Variants in NUBP1 observed in about 807,000 individuals in gnomAD.
The protein encoded by NUBP1 is NUBP iron-sulfur cluster assembly factor 1, cytosolic, also known as cytosolic Fe-S cluster assembly factor NUBP1.
NUBP1 carries 46 observed loss-of-function variants against 41.8 expected under a neutral mutation model. The ratio of observed to expected loss-of-function variants is 1.10; its 90% CI spans 0.87 to 1.41. The LOEUF (loss-of-function observed/expected upper bound fraction) is 1.41, where lower values mean the gene tolerates loss of function less well. NUBP1 is among the 40% of genes most tolerant of loss of function. NUBP1 has a pLI of 0.00. For synonymous variants in NUBP1, 189 were observed against 154.6 expected, an observed-to-expected ratio of 1.22 and a Z score of -1.65; for missense variants, 494 against 414.0, an observed-to-expected ratio of 1.19 and a Z score of -1.68.
Position 10,756,674 on chromosome 16 carries a change from C to T in NUBP1, c.361-16C>T. 1 of 1,539,912 alleles carries T rather than the reference C, an allele frequency of 6.5e-7. No individual in the cohort carries two copies. The highest frequency in any genetic ancestry group is 1.3e-5 in the South Asian group (1 of 78,586). On this transcript the variant is annotated splice_polypyrimidine_tract_variant and intron_variant, in intron 5 of 10. Transcript: ENST00000283027. The stretch of plus-strand genomic sequence containing the variant: ...TGAGTAAAGCGTGTCTTGCCCTCAC[C>T]CTGTTCCCTCTGCAGTACGTGGAAG...
In NUBP1 at chr16:10,768,001, A is replaced by G. The variant is rs750052496; in HGVS notation, c.873A>G (p.Pro291=). Residue 291 remains proline, a synonymous_variant, in exon 10 of 11, where the codon CCA becomes CCG. Transcript: ENST00000283027. The surrounding 1 kb of genome is among the most constrained non-coding windows in gnomAD (Gnocchi z 4.3). ...QSFFIDAPDS[P]ATLAYRSIIQ... ...TTTTCATTGACGCCCCAGATTCCCC[A>G]GCCACGTTAGCCTACAGAAGTATAA... is the stretch of plus-strand genomic sequence containing the variant. 3 of 1,614,020 alleles carry G rather than the reference A, an allele frequency of 1.9e-6. No individual in the cohort carries two copies. Among genetic ancestry groups the G allele is most frequent in the African/African-American group, 1.3e-5 (1 of 74,916 alleles).
rs778827686 is a variant in NUBP1, at chr16:10,761,736, C to G, written c.718-21C>G. ...TTCTGCAAAAAAATTATGTTTCCTC[C>G]CCTTTGAATTTGCCTTGCAGAAAGA... On this transcript the variant is annotated intron_variant, in intron 8 of 10. Transcript: ENST00000283027. The G allele has an allele frequency of 1.9e-6, 3 of 1,587,496 alleles. No homozygotes were observed. In the South Asian group the frequency reaches 3.3e-5, roughly 18 times the overall value.
chr16:10,761,210 T>C, intron 7 of NUBP1, 154 bp from the exon 8 acceptor site: 1 of 593,032 alleles, frequency 1.7e-6, no homozygotes, highest in Non-Finnish European at 3.0e-6. Flanking sequence ...GAGCTGAGAT[T>C]TGGATGGGGA....
Position 10,768,172 on chromosome 16 carries a change from G to A in NUBP1, c.904+140G>A, listed in dbSNP as rs2031181465. On this transcript the variant is annotated intron_variant, in intron 10 of 10. Transcript: ENST00000283027. The surrounding 1 kb of genome is among the most constrained non-coding windows in gnomAD (Gnocchi z 4.3). ...GCCCCCATAGCCGAGGAAGCCAGGA[G>A]TCCATGAGAAATCTCTCAATGTGTG... 1.5e-6 allele frequency: 1 copy of A among 655,294 alleles called. No homozygotes were observed. Among genetic ancestry groups the A allele is most frequent in the Admixed American group, 2.8e-5 (1 of 36,132 alleles). 40.6% of individuals were successfully genotyped at this position (655,294 alleles called of 1,614,324 possible).
Position 10,767,345 on chromosome 16 carries a change from G to A in NUBP1, c.821-604G>A, listed in dbSNP as rs2031040198. 2 of 399,476 alleles carry A rather than the reference G, an allele frequency of 5.0e-6. No individual in the cohort carries two copies. The highest frequency in any genetic ancestry group is 7.1e-5 in the East Asian group (2 of 28,100). The allele number at this position is 399,476 out of a possible 1,614,324, so 24.7% of individuals were successfully genotyped here. A position where few individuals can be genotyped will look rare whatever the true frequency, so the allele number is the denominator to read the frequency against. ...GACTGGAACAATGGCCACATGGCGG[G>A]GAAAGACTAGCAGACTGATAGACAC... On this transcript the variant is annotated intron_variant, in intron 9 of 10. Coordinates refer to ENST00000283027, the MANE Select transcript of NUBP1 (RefSeq NM_002484.4). This position sits in a 1 kb window ranked among gnomAD's most constrained non-coding sequence, Gnocchi z 4.6.
Position 10,756,788 on chromosome 16 carries a change from A to C in NUBP1, c.451+8A>C. ...GGGGACCCAAGAAAAACGGTTTGCC[A>C]CTCTGCCTTTTTTTGTCTCTCACAT... On this transcript the variant is annotated splice_region_variant and intron_variant, in intron 6 of 10. Transcript: ENST00000283027. The C allele has an allele frequency of 6.3e-7, 1 of 1,589,670 alleles. No homozygotes were observed. Among genetic ancestry groups the C allele is most frequent in the Non-Finnish European group, 8.5e-7 (1 of 1,170,506 alleles).
Position 10,768,045 on chromosome 16 carries a change from A to G in NUBP1, c.904+13A>G, listed in dbSNP as rs777750947. The G allele has an allele frequency of 1.2e-6, 2 of 1,612,372 alleles. No individual in the cohort carries two copies. Among genetic ancestry groups the G allele is most frequent in the East Asian group, 2.2e-5 (1 of 44,884 alleles). On this transcript the variant is annotated intron_variant, in intron 10 of 10. Coordinates refer to ENST00000283027, the MANE Select transcript of NUBP1 (RefSeq NM_002484.4). The surrounding 1 kb of genome is among the most constrained non-coding windows in gnomAD (Gnocchi z 4.3). ...AGTATAATTCAGAGTAAGTATTTCC[A>G]TGAGTACTAAATGCAGATGCCTGTG...
At chr16:10,762,216 G>GA (rs1372693956) in intron 9 of NUBP1, 1 of 186,648 alleles carries the variant, frequency 5.4e-6, no homozygotes, top group Non-Finnish European at 1.1e-5. Context: ...GGCCTGAGGT[G>GA]AAAATCCCTT....
At chr16:10,748,008 T>C (rs1289803663) in intron 3 of NUBP1, among the ~76,000 whole-genome samples, 1 of 152,190 alleles carries the variant, frequency 6.6e-6, no homozygotes, top group Non-Finnish European at 1.5e-5. Flanking sequence ...AGTGCATTGC[T>C]ATGATCAGGA....
At chr16:10,761,941 C>G (rs1334181042) in intron 9 of NUBP1, 82 bp downstream of exon 9, 1 of 1,060,650 alleles carries the variant, frequency 9.4e-7, no homozygotes, top group South Asian at 1.4e-5. Context: ...GGGGCGGCTA[C>G]AGAGAGGGGC....
At chr16:10,751,922 C>T (rs1333411950) in intron 3 of NUBP1, among the ~76,000 whole-genome samples, 1 of 152,316 alleles carries the variant, frequency 6.6e-6, no homozygotes, top group East Asian at 1.9e-4. Flanking sequence ...TGTCCCAGCT[C>T]TGTTCCCTGC....
At position 10,759,107 on chromosome 16, in the gene NUBP1, G is replaced by A. The variant is rs975796578; in HGVS notation, c.606+1080G>A. ...GATCTCACTGGCCAGAATCAGTCAGGACGACCCATAGTCTCACCTCATCCA... is the reference window on the plus strand; with the variant it reads ...GATCTCACTGGCCAGAATCAGTCAGAACGACCCATAGTCTCACCTCATCCA... On this transcript the variant is annotated intron_variant, in intron 7 of 10. Transcript: ENST00000283027. The surrounding 1 kb of genome is among the most constrained non-coding windows in gnomAD (Gnocchi z 4.7). 6.6e-6 allele frequency among the ~76,000 whole-genome samples: 1 copy of A among 152,182 alleles called. No homozygotes were observed. Among genetic ancestry groups the A allele is most frequent in the Non-Finnish European group, 1.5e-5 (1 of 68,026 alleles).
In NUBP1 at chr16:10,744,017, C is replaced by T; in HGVS notation, c.76C>T (p.Pro26Ser). The change falls in exon 2 of 11, where the codon CCC becomes TCC. Residue 26 changes from proline (P) to serine (S), a missense_variant. Physicochemically the swap from Pro to Ser is moderately conservative, Grantham distance 74. Transcript: ENST00000283027. ...AGRGASCQGC[P>S]NQRLCASGAG... is the part of the protein sequence containing the mutation. Reference sequence around the variant, plus strand: ...CAGAGGGGCTTCATGTCAGGGATGCCCCAACCAGCGGCTGTGCGCTTCTGG... The same window carrying T: ...CAGAGGGGCTTCATGTCAGGGATGCTCCAACCAGCGGCTGTGCGCTTCTGG... 6.3e-7 allele frequency: 1 copy of T among 1,580,582 alleles called. No homozygotes were observed. The highest frequency in any genetic ancestry group is 8.6e-7 in the Non-Finnish European group (1 of 1,169,066).
Position 10,757,920 on chromosome 16 carries a change from T to C in NUBP1, c.499T>C (p.Tyr167His), listed in dbSNP as rs1567258897. The change falls in exon 7 of 11, where the codon TAC (tyrosine) becomes CAC (histidine). Residue 167 changes from tyrosine to histidine, a missense_variant. By Grantham distance (83) the Tyr-to-His change is moderately conservative. Transcript: ENST00000283027. This position sits in a 1 kb window ranked among gnomAD's most constrained non-coding sequence, Gnocchi z 4.1. ...LRDVDWGEVD[Y>H]LIVDTPPGTS... ...AGATGTGGACTGGGGAGAGGTCGAC[T>C]ACCTCATTGTGGACACCCCACCTGG... The C allele has an allele frequency of 6.2e-7, 1 of 1,614,006 alleles. No homozygotes were observed.
In NUBP1 at chr16:10,755,858, G is replaced by A. The variant is rs559830654; in HGVS notation, c.360+105G>A. 2.3e-4 allele frequency: 240 copies of A among 1,031,346 alleles called. 3 individuals are homozygous for A. The highest frequency in any genetic ancestry group is 1.6e-3 in the South Asian group (121 of 73,356). 63.9% of individuals were successfully genotyped at this position (1,031,346 alleles called of 1,614,324 possible). A position where few individuals can be genotyped will look rare whatever the true frequency, so the allele number is the denominator to read the frequency against. On this transcript the variant is annotated intron_variant, in intron 5 of 10. Transcript: ENST00000283027. ...ATAGGTATTTATTAGGGTACTTTTC[G>A]AGGCACAGAGGATGTGATTAAAACC...
intron 5 of NUBP1, 35 bp downstream of exon 5, chr16:10,755,788 A>T (rs1900522176): frequency 6.2e-7 from 1 of 1,607,592 alleles, no homozygotes; most frequent in South Asian, 1.1e-5. Flanking sequence ...TTTTCACAGT[A>T]GTGTGTGGTT....
In NUBP1 at chr16:10,759,239, C is replaced by G. The variant is rs897221738; in HGVS notation, c.606+1212C>G. 3.3e-5 allele frequency among the ~76,000 whole-genome samples: 5 copies of G among 152,186 alleles called. No individual in the cohort carries two copies. Among genetic ancestry groups the G allele is most frequent in the African/African-American group, 1.2e-4 (5 of 41,434 alleles). On this transcript the variant is annotated intron_variant, in intron 7 of 10. Transcript: ENST00000283027. The surrounding 1 kb of genome is among the most constrained non-coding windows in gnomAD (Gnocchi z 4.7). The stretch of plus-strand genomic sequence containing the variant: ...CCCTGAGGAACACAGGTGCTGGACA[C>G]AGGGATGAGGGTACAGCCAATGGAG...
rs2030901965 is a variant in NUBP1, at chr16:10,766,554, G to GCGAA, written c.821-1392_821-1389dup. The GCGAA allele has an allele frequency of 6.2e-6, 1 of 162,416 alleles. No homozygotes were observed. The highest frequency in any genetic ancestry group is 1.3e-5 in the Non-Finnish European group (1 of 75,230). The allele number at this position is 162,416 out of a possible 1,614,324, so 10.1% of individuals were successfully genotyped here. On this transcript the variant is annotated intron_variant, in intron 9 of 10. Coordinates refer to ENST00000283027, the MANE Select transcript of NUBP1 (RefSeq NM_002484.4). This position sits in a 1 kb window ranked among gnomAD's most constrained non-coding sequence, Gnocchi z 4.8. ...TCCCCAACCTCCCAGGTCTGGCCCA[G>GCGAA]CGAACGTGCACTCAGGGGCCTCCCT...
In NUBP1 at chr16:10,749,178, C is replaced by T. The variant is rs904552461; in HGVS notation, c.258+1902C>T. The stretch of plus-strand genomic sequence containing the variant: ...ACACACACACACACACACGTTGATT[C>T]GTCATTCTGTGAGTCAGCGATCTCT... On this transcript the variant is annotated intron_variant, in intron 3 of 10. Transcript: ENST00000283027. The surrounding 1 kb of genome is among the most constrained non-coding windows in gnomAD (Gnocchi z 4.1). Among the ~76,000 whole-genome samples the T allele has an allele frequency of 6.7e-6, 1 of 148,240 alleles. No homozygotes were observed. Among genetic ancestry groups the T allele is most frequent in the African/African-American group, 2.5e-5 (1 of 39,996 alleles).
Sources: gnomAD v4.1 joint callset for allele counts (sites outside exome capture counted in the v4.1 genomes callset) on GRCh38, gnomAD v4.1.1 for gene constraint, Gnocchi (gnomAD v3.1) non-coding constraint, MANE v1.5 for transcripts, NCBI Gene and HGNC (gene_info 2026-07-23, HGNC 2026-07-21) for gene names.